FHIT: variants seen among roughly 807,000 people sequenced by gnomAD.
FHIT encodes fragile histidine triad diadenosine triphosphatase, also known as bis(5'-adenosyl)-triphosphatase.
FHIT carries 19 observed loss-of-function variants against 17.9 expected under a neutral mutation model. The observed-to-expected ratio is 1.06, with a 90% CI of 0.74 to 1.56. The LOEUF is 1.56. FHIT is among the 40% of genes most tolerant of loss of function. The pLI, the probability that FHIT is intolerant of heterozygous loss-of-function variation, is 0.00. For missense variants in FHIT, 248 were observed against 189.2 expected (o/e 1.31, Z -1.82); for synonymous variants, 81 against 69.7 (o/e 1.16, Z -0.81).
chr3:60,433,935 G>A (rs2029971771), intron 5 of FHIT, among the ~76,000 whole-genome samples: 1 of 151,954 alleles, frequency 6.6e-6, no homozygotes, highest in African/African-American at 2.4e-5. Context: ...AGTTTCAATT[G>A]TCTATTTTTG....
intron 4 of FHIT, among the ~76,000 whole-genome samples, chr3:60,817,155 C>G (rs1480669323): frequency 6.6e-6 from 1 of 152,022 alleles, no homozygotes; most frequent in African/African-American, 2.4e-5. Flanking sequence ...CCATTTGCCA[C>G]TGCCTCCATT....
chr3:60,045,457 C>T (rs1342141944), intron 5 of FHIT, among the ~76,000 whole-genome samples: 2 of 152,094 alleles, frequency 1.3e-5, no homozygotes, highest in South Asian at 4.1e-4. Flanking sequence ...GACTCACCCA[C>T]CATCATGAGA....
intron 5 of FHIT, among the ~76,000 whole-genome samples, chr3:60,089,780 T>A (rs1290147971): frequency 6.6e-6 from 1 of 152,164 alleles, no homozygotes; most frequent in African/African-American, 2.4e-5. Context: ...AATGGTAACT[T>A]GTTGGCAGCT....
intron 7 of FHIT, among the ~76,000 whole-genome samples, chr3:60,002,736 T>C (rs1436105965): frequency 1.3e-5 from 2 of 152,204 alleles, no homozygotes; most frequent in African/African-American, 4.8e-5. Context: ...CCAGCTGCTT[T>C]TTGTGTCTTG....
chr3:59,819,935 G>A (rs556660494), intron 8 of FHIT, among the ~76,000 whole-genome samples: 32 of 152,244 alleles, frequency 2.1e-4, no homozygotes, highest in African/African-American at 7.7e-4. Flanking sequence ...ACCATGTGAG[G>A]ACACAGTGTT....
At chr3:60,825,692 A>T (rs1559751881) in intron 3 of FHIT, among the ~76,000 whole-genome samples, 1 of 152,154 alleles carries the variant, frequency 6.6e-6, no homozygotes, top group East Asian at 1.9e-4. Flanking sequence ...TGAGACCCTA[A>T]CGCCTGATGA....
intron 4 of FHIT, among the ~76,000 whole-genome samples, chr3:60,649,932 A>G (rs1286173669): frequency 1.3e-5 from 2 of 152,184 alleles, no homozygotes; most frequent in Non-Finnish European, 2.9e-5. Context: ...AAGCACCAGC[A>G]CCTGTCCCAT....
rs571964522 is a variant in FHIT, at chr3:60,067,139, T to C, written c.104-52987A>G. On this transcript the variant is annotated intron_variant, in intron 5 of 9. Coordinates refer to ENST00000492590, the MANE Select transcript of FHIT (RefSeq NM_002012.4). Reference sequence around the variant, plus strand: ...CCCAACTCCAAAATAAACCTATTCATGAACATGAGTCTCTATTCCTTTGCT... The same window carrying C: ...CCCAACTCCAAAATAAACCTATTCACGAACATGAGTCTCTATTCCTTTGCT... Among the ~76,000 whole-genome samples, 4 of 152,288 alleles carry C rather than the reference T, an allele frequency of 2.6e-5. No homozygotes were observed. In the South Asian group the frequency reaches 8.3e-4, roughly 32 times the overall value.
At chr3:60,002,579 A>G (rs924077532) in intron 7 of FHIT, among the ~76,000 whole-genome samples, 6 of 152,192 alleles carry the variant, frequency 3.9e-5, no homozygotes, top group Non-Finnish European at 8.8e-5. Flanking sequence ...ATAGAGTCTC[A>G]CCATCCCAAC....
chr3:60,368,164 T>C lies in FHIT; in HGVS notation c.103+168696A>G, dbSNP rs985781795. On this transcript the variant is annotated intron_variant, in intron 5 of 9. Transcript: ENST00000492590. ...TTTTGTAGGGGTAAATACCAGGAAA[T>C]GGAACTGTAAAATCATAAAACATAT... is the stretch of plus-strand genomic sequence containing the variant. Among the ~76,000 whole-genome samples the C allele has an allele frequency of 5.0e-5, 7 of 140,652 alleles. No homozygotes were observed. The East Asian group carries it at 8.4e-4, about 17-fold the overall frequency. The allele number at this position is 140,652 out of a possible 152,430, so 92.3% of individuals were successfully genotyped here.
intron 5 of FHIT, among the ~76,000 whole-genome samples, chr3:60,457,234 T>C (rs185252814): frequency 6.6e-6 from 1 of 151,776 alleles, no homozygotes; most frequent in African/African-American, 2.4e-5. Flanking sequence ...AAAACAGAGA[T>C]ATAGACCAAT....
chr3:60,026,428 G>A (rs1214268436), intron 5 of FHIT, among the ~76,000 whole-genome samples: 3 of 151,960 alleles, frequency 2.0e-5, no homozygotes, highest in Non-Finnish European at 2.9e-5. Flanking sequence ...CAGTGTTATC[G>A]TTTGGAACCC....
intron 1 of FHIT, among the ~76,000 whole-genome samples, chr3:61,243,232 C>A (rs1008953440): frequency 1.8e-4 from 28 of 152,084 alleles, no homozygotes; most frequent in Non-Finnish European, 3.8e-4. Context: ...ATATATAAGC[C>A]CCCAGACCTA....
chr3:60,087,437 C>A (rs1268596887), intron 5 of FHIT, among the ~76,000 whole-genome samples: 1 of 152,200 alleles, frequency 6.6e-6, no homozygotes, highest in African/African-American at 2.4e-5. Flanking sequence ...TCCTTTCCCA[C>A]CAAATGGCCA....
At chr3:60,877,175 C>T (rs1704704969) in intron 3 of FHIT, among the ~76,000 whole-genome samples, 1 of 152,182 alleles carries the variant, frequency 6.6e-6, no homozygotes, top group Non-Finnish European at 1.5e-5. Flanking sequence ...GGCAACTGTG[C>T]TATATCATCT....
Position 59,982,717 on chromosome 3 carries a change from A to G in FHIT, c.279+28654T>C, listed in dbSNP as rs147721006. On this transcript the variant is annotated intron_variant, in intron 7 of 9. Transcript: ENST00000492590. Reference sequence around the variant, plus strand: ...ACAAATGTGTTAACACAATGTAATTAGGTCATCAAACAGCATCATGTTTAT... The same window carrying G: ...ACAAATGTGTTAACACAATGTAATTGGGTCATCAAACAGCATCATGTTTAT... Among the ~76,000 whole-genome samples the G allele has an allele frequency of 9.2e-3, 1,402 of 152,304 alleles. 24 individuals carry two copies. The highest frequency in any genetic ancestry group is 0.031 in the African/African-American group (1,309 of 41,580).
chr3:60,332,547 G>A (rs1181066857), intron 5 of FHIT, among the ~76,000 whole-genome samples: 1 of 152,164 alleles, frequency 6.6e-6, no homozygotes. Flanking sequence ...TGGGATCTAG[G>A]AATGGGTGTT....
intron 7 of FHIT, among the ~76,000 whole-genome samples, chr3:59,985,106 G>A (rs868362802): frequency 6.6e-6 from 1 of 152,114 alleles, no homozygotes; most frequent in African/African-American, 2.4e-5. Context: ...TGTGTCCAGA[G>A]GCACTGCAGA....
intron 3 of FHIT, among the ~76,000 whole-genome samples, chr3:60,916,464 A>T (rs1707009438): frequency 6.6e-6 from 1 of 152,168 alleles, no homozygotes; most frequent in African/African-American, 2.4e-5. Context: ...CTCTCTTAAA[A>T]AGAGTCGGGG....
Sources: gnomAD v4.1 joint callset for allele counts (sites outside exome capture counted in the v4.1 genomes callset) on GRCh38, gnomAD v4.1.1 for gene constraint, MANE v1.5 for transcripts, NCBI Gene and HGNC (gene_info 2026-07-23, HGNC 2026-07-21) for gene names.